The following RABL6 variants were observed in gnomAD, a reference collection of about 807,000 sequenced individuals.
RABL6 encodes the protein RAB, member RAS oncogene family like 6.
RABL6 carries 28 observed loss-of-function variants against 72.9 expected under a neutral mutation model. The observed-to-expected ratio is 0.38, with a 90% confidence interval of 0.28 to 0.53. The LOEUF is 0.53. Ranked by LOEUF, RABL6 falls within the 20% of genes least tolerant of loss-of-function variation. RABL6 has a pLI of 0.80. For synonymous variants in RABL6, 477 were observed against 421.2 expected (o/e 1.13, Z -1.62); for missense variants, 1,029 against 1,008.4 (o/e 1.02, Z -0.28).
chr9:136,833,580 T>C, intron 7 of RABL6: 1 of 1,179,042 alleles, frequency 8.5e-7, no homozygotes, highest in Non-Finnish European at 1.2e-6. Context: ...CCCAGCTGGG[T>C]CTGGGGACCT....
chr9:136,815,479 G>T, intron 1 of RABL6: 2 of 268,276 alleles, frequency 7.5e-6, no homozygotes, highest in South Asian at 4.4e-5. Context: ...GCCTCCTTTG[G>T]GGGAGCAGCC....
chr9:136,834,623 C>T (rs1156905238), intron 7 of RABL6: 9 of 323,826 alleles, frequency 2.8e-5, no homozygotes, highest in Admixed American at 6.5e-5. Context: ...GGATTACAGG[C>T]GCCTGCCACC....
intron 1 of RABL6, among the ~76,000 whole-genome samples, chr9:136,819,497 AT>A (rs914759992): frequency 1.3e-5 from 2 of 151,778 alleles, no homozygotes; most frequent in East Asian, 1.9e-4. Flanking sequence ...GATTCGAGGA[AT>A]TTTTTTTTCT....
intron 7 of RABL6, chr9:136,834,109 A>T: frequency 7.5e-7 from 1 of 1,324,996 alleles, no homozygotes; most frequent in Non-Finnish European, 9.6e-7. Context: ...CGCCTGTCTC[A>T]GCAGCGGGAC....
chr9:136,833,429 C>A (rs77909614), intron 7 of RABL6: 1 of 434,300 alleles, frequency 2.3e-6, no homozygotes, highest in Non-Finnish European at 4.3e-6. Flanking sequence ...CCTCCTCGCC[C>A]TGGGCTGCCC....
intron 4 of RABL6, 137 bp from the exon 5 acceptor site, chr9:136,829,256 T>C (rs1848421004): frequency 1.4e-6 from 1 of 709,152 alleles, no homozygotes; most frequent in African/African-American, 1.8e-5. Flanking sequence ...ATCCCATCTC[T>C]TCAGCATATC....
chr9:136,828,534 C>G lies in RABL6; in HGVS notation c.354C>G (p.Asn118Lys). The change falls in exon 4 of 15, where the codon AAC becomes AAG. Residue 118 changes from asparagine (N) to lysine (K), a missense_variant. By Grantham distance (94) the Asn-to-Lys change is moderately conservative (BLOSUM62 0). Around this residue, in one of 2 missense-constraint regions of RABL6, gnomAD observed 434 missense variants for 536.1 expected, o/e 0.81. Transcript: ENST00000311502. ...KKRGDGLKME[N>K]DPQEAESEMA... Reference sequence around the variant, plus strand: ...GAGGCGACGGCTTAAAGATGGAGAACGACCCCCAGGAGGTGAGTGCCAGGT... The same window carrying G: ...GAGGCGACGGCTTAAAGATGGAGAAGGACCCCCAGGAGGTGAGTGCCAGGT... The G allele has an allele frequency of 6.2e-7, 1 of 1,613,262 alleles. No individual in the cohort carries two copies. Among genetic ancestry groups the G allele is most frequent in the Non-Finnish European group, 8.5e-7 (1 of 1,179,766 alleles).
At chr9:136,819,338 A>AAG (rs1257562014) in intron 1 of RABL6, among the ~76,000 whole-genome samples, 144 of 151,770 alleles carry the variant, frequency 9.5e-4, no homozygotes, top group African/African-American at 3.4e-3. Context: ...AAAAAAAAAA[A>AAG]AAAAAGAAAA....
intron 2 of RABL6, among the ~76,000 whole-genome samples, chr9:136,824,709 T>G (rs1848316406): frequency 6.6e-6 from 1 of 151,678 alleles, no homozygotes; most frequent in Admixed American, 6.6e-5. Flanking sequence ...AAGATGAGTT[T>G]GAGCTGCCAC....
rs758981463 is a variant in RABL6 at position 136,832,282 on chromosome 9, A to G, written c.617A>G (p.Tyr206Cys). ...GAAAGCAGACCTCCAGGTTCCTCCT[A>G]CTTCCGCTATGCTGAGTCTTCCATG... ...DNLDRPPGSS[Y>C]FRYAESSMKN... Residue 206 changes from tyrosine to cysteine, a missense_variant, in exon 7 of 15, where the codon TAC becomes TGC. Coordinates refer to ENST00000311502, the MANE Select transcript of RABL6 (RefSeq NM_024718.5). 4.9e-5 allele frequency: 79 copies of G among 1,613,672 alleles called. No individual in the cohort carries two copies. In the Middle Eastern group the frequency reaches 1.2e-3, roughly 24 times the overall value.
chr9:136,836,020 C>T (rs893903976), intron 8 of RABL6, 175 bp downstream of exon 8: 11 of 609,922 alleles, frequency 1.8e-5, no homozygotes, highest in African/African-American at 9.3e-5. Context: ...CCCCAGCAGC[C>T]CCCCCACAGT....
intron 5 of RABL6, among the ~76,000 whole-genome samples, 198 bp from the exon 6 acceptor site, chr9:136,831,523 G>A (rs1286892273): frequency 6.6e-6 from 1 of 152,148 alleles, no homozygotes; most frequent in African/African-American, 2.4e-5. Flanking sequence ...GGACGGGCGG[G>A]GGCTGCAGGC....
intron 3 of RABL6, chr9:136,827,725 A>T (rs1280196577): frequency 1.3e-5 from 2 of 152,288 alleles, no homozygotes; most frequent in Non-Finnish European, 2.9e-5. Context: ...TTCAGAAACA[A>T]GCTGTGGAAT....
intron 7 of RABL6, chr9:136,833,669 T>G: frequency 6.5e-7 from 1 of 1,548,040 alleles, no homozygotes; most frequent in Non-Finnish European, 8.7e-7. Flanking sequence ...CGACTGGGTC[T>G]GGGGGACCTG....
chr9:136,809,369 G>T, intron 1 of RABL6: 1 of 215,884 alleles, frequency 4.6e-6, no homozygotes, highest in South Asian at 6.1e-5. Flanking sequence ...TAGTCCCCCG[G>T]CCTGTGAGCA....
Position 136,838,932 on chromosome 9 carries a change from A to G in RABL6, c.1304A>G (p.Asn435Ser), listed in dbSNP as rs1290179091. The change falls in exon 11 of 15, where the codon AAC becomes AGC. Residue 435 changes from asparagine to serine, a missense_variant. Transcript: ENST00000311502. ...SDSDGEALGG[N>S]PMVAGFQDDV... ...AGTGATGGGGAGGCCCTGGGCGGCAACCCGATGGTGGCAGGGTTCCAGGAC... is the reference window on the plus strand; with the variant it reads ...AGTGATGGGGAGGCCCTGGGCGGCAGCCCGATGGTGGCAGGGTTCCAGGAC... 3.1e-6 allele frequency: 5 copies of G among 1,603,334 alleles called. No individual in the cohort carries two copies. The African/African-American group carries it at 5.3e-5, about 17-fold the overall frequency.
At chr9:136,829,553 G>A in intron 5 of RABL6, 69 bp downstream of exon 5, 1 of 1,345,646 alleles carries the variant, frequency 7.4e-7, no homozygotes, top group Non-Finnish European at 1.0e-6. Context: ...CGCCCTCTTT[G>A]TGCAGCAGAT....
intron 1 of RABL6, among the ~76,000 whole-genome samples, chr9:136,818,005 T>C (rs1006822273): frequency 3.7e-5 from 5 of 136,800 alleles, no homozygotes; most frequent in Non-Finnish European, 7.5e-5. Context: ...CAAGTTGGAA[T>C]GAGCTGAGAT....
intron 2 of RABL6, 21 bp downstream of exon 2, chr9:136,823,680 A>T: frequency 6.3e-7 from 1 of 1,592,012 alleles, no homozygotes; most frequent in Non-Finnish European, 8.6e-7. Context: ...TGGGTGCCCC[A>T]GTGGGTTCGG....
Sources: allele counts gnomAD v4.1 joint callset (sites outside exome capture counted in the v4.1 genomes callset), GRCh38; gene constraint gnomAD v4.1.1; regional missense constraint gnomAD v4.1.1; transcripts MANE v1.5; gene names NCBI Gene and HGNC (gene_info 2026-07-23, HGNC 2026-07-21).